BCAS2: variants seen among roughly 807,000 people sequenced by gnomAD.
BCAS2 encodes the protein BCAS2 pre-mRNA processing factor.
In BCAS2, 34 loss-of-function variants were observed where a neutral mutation model predicts 35.3. The observed-to-expected ratio is 0.96, with a 90% CI of 0.73 to 1.28. The LOEUF (loss-of-function observed/expected upper bound fraction) is 1.28, where lower values mean the gene tolerates loss of function less well. Among genes scored for constraint, BCAS2 ranks in the 50% most tolerant of loss-of-function variants. BCAS2 has a pLI of 0.00. For missense variants in BCAS2, 221 were observed against 268.1 expected, an observed-to-expected ratio of 0.82 and a Z score of 1.23; for synonymous variants, 75 against 91.6, an observed-to-expected ratio of 0.82 and a Z score of 1.03.
intron 4 of BCAS2, among the ~76,000 whole-genome samples, chr1:114,571,291 C>A (rs1228870834): frequency 1.3e-5 from 2 of 151,748 alleles, no homozygotes; most frequent in Non-Finnish European, 2.9e-5. Context: ...GAACTCCTGA[C>A]CTCAAGTGAT....
At chr1:114,574,641 T>C (rs1008041521) in intron 4 of BCAS2, among the ~76,000 whole-genome samples, 1 of 152,218 alleles carries the variant, frequency 6.6e-6, no homozygotes, top group Non-Finnish European at 1.5e-5. Context: ...CAACGCTTGA[T>C]AACATTCTAT....
chr1:114,575,739 TG>T lies in BCAS2; in HGVS notation c.269del (p.Pro90GlnfsTer18). ...CATTTTTTTGACCAGAGGAGGGGGC[TG>T]GAAGCTCATATCTGAAATTAAACAA... ...ELLSMKRYEL[P>X]APSSGQKNDI... On this transcript the variant is annotated frameshift_variant, in exon 4 of 7. Coordinates refer to ENST00000369541, the MANE Select transcript of BCAS2 (RefSeq NM_005872.3). LOFTEE classifies it high-confidence loss of function. The T allele has an allele frequency of 6.2e-7, 1 of 1,611,628 alleles. No individual in the cohort carries two copies. Among genetic ancestry groups the T allele is most frequent in the Non-Finnish European group, 8.5e-7 (1 of 1,179,442 alleles).
At chr1:114,568,415 G>C (rs1654571078) in intron 6 of BCAS2, among the ~76,000 whole-genome samples, 159 bp from the exon 7 acceptor site, 1 of 147,372 alleles carries the variant, frequency 6.8e-6, no homozygotes, top group Admixed American at 6.9e-5. Flanking sequence ...TGCCCAGGCT[G>C]GAGAACAATG....
chr1:114,578,652 T>C (rs111621968), intron 2 of BCAS2, among the ~76,000 whole-genome samples: 29 of 152,184 alleles, frequency 1.9e-4, no homozygotes, highest in Non-Finnish European at 3.7e-4. Context: ...ATCACTATCA[T>C]TCTCTGTGCA....
intron 4 of BCAS2, 149 bp from the exon 5 acceptor site, chr1:114,570,899 C>T: frequency 1.6e-6 from 1 of 644,538 alleles, no homozygotes; most frequent in South Asian, 1.8e-5. Flanking sequence ...GACTGTCACT[C>T]ATGCTGGAAT....
chr1:114,570,527 C>T (rs187004012), intron 5 of BCAS2, among the ~76,000 whole-genome samples, 173 bp downstream of exon 5: 66 of 152,334 alleles, frequency 4.3e-4, no homozygotes, highest in African/African-American at 1.3e-3. Context: ...GACCTCAGGC[C>T]TATTTCTCCT....
intron 4 of BCAS2, among the ~76,000 whole-genome samples, chr1:114,574,598 T>A (rs1312241364): frequency 6.6e-6 from 1 of 152,212 alleles, no homozygotes; most frequent in East Asian, 1.9e-4. Flanking sequence ...TTAAAGAACA[T>A]AACCCATGAC....
At chr1:114,577,377 A>ATTTT (rs113493679) in intron 2 of BCAS2, among the ~76,000 whole-genome samples, 2 of 149,794 alleles carry the variant, frequency 1.3e-5, no homozygotes, top group Non-Finnish European at 3.0e-5. Flanking sequence ...TTATTTATTT[A>ATTTT]TTTTTTTTTT....
chr1:114,570,816 T>TC lies in BCAS2; in HGVS notation c.420-67dup, dbSNP rs1305921115. 6.0e-6 allele frequency: 7 copies of TC among 1,172,236 alleles called. No homozygotes were observed. The African/African-American group carries it at 6.3e-5, about 10-fold the overall frequency. The allele number at this position is 1,172,236 out of a possible 1,614,324, so 72.6% of individuals were successfully genotyped here. A position where few individuals can be genotyped will look rare whatever the true frequency, so the allele number is the denominator to read the frequency against. ...TAGTACCAATTAAAAGTGAACTTTT[T>TC]CAAGTTTTTCTGCCAAAAATCATAT... On this transcript the variant is annotated intron_variant, in intron 4 of 6. Coordinates refer to ENST00000369541, the MANE Select transcript of BCAS2 (RefSeq NM_005872.3).
At chr1:114,576,245 C>A (rs200197762) in intron 3 of BCAS2, among the ~76,000 whole-genome samples, 15,127 of 141,180 alleles carry the variant, frequency 0.11, 861 homozygotes, top group East Asian at 0.17. Context: ...CTCTCTCTCT[C>A]TCTATATATA....
intron 2 of BCAS2, among the ~76,000 whole-genome samples, chr1:114,579,776 G>T (rs1258762174): frequency 6.6e-6 from 1 of 152,152 alleles, no homozygotes; most frequent in East Asian, 1.9e-4. Flanking sequence ...TGAGGCAGGA[G>T]AATCACTTGA....
intron 6 of BCAS2, 129 bp downstream of exon 6, chr1:114,569,863 G>A (rs1654603860): frequency 9.9e-6 from 7 of 706,726 alleles, no homozygotes; most frequent in Non-Finnish European, 1.5e-5. Flanking sequence ...ACGGGGAAGG[G>A]TGAATTCAGA....
rs1423198106 is a variant in BCAS2 at position 114,576,247 on chromosome 1, C to CTCTATATA, written c.257+440_257+441insTATATAGA. On this transcript the variant is annotated intron_variant, in intron 3 of 6. Coordinates refer to ENST00000369541, the MANE Select transcript of BCAS2 (RefSeq NM_005872.3). ...CCTCTCTCTCTCTCTCTCTCTCTCT[C>CTCTATATA]TATATATATATATATATAGTTTTTT... 4.9e-4 allele frequency among the ~76,000 whole-genome samples: 65 copies of CTCTATATA among 131,666 alleles called. 1 individual carries two copies. Among genetic ancestry groups the CTCTATATA allele is most frequent in the African/African-American group, 1.8e-3 (64 of 34,668 alleles). The allele number at this position is 131,666 out of a possible 152,430, so 86.4% of individuals were successfully genotyped here. A position where few individuals can be genotyped will look rare whatever the true frequency, so the allele number is the denominator to read the frequency against.
chr1:114,571,033 G>C lies in BCAS2; in HGVS notation c.420-283C>G, dbSNP rs554407147. Among the ~76,000 whole-genome samples, 66 of 150,514 alleles carry C rather than the reference G, an allele frequency of 4.4e-4. 1 individual carries two copies. In the South Asian group the frequency reaches 0.013, roughly 30 times the overall value. On this transcript the variant is annotated intron_variant, in intron 4 of 6. Transcript: ENST00000369541. The stretch of plus-strand genomic sequence containing the variant: ...CCTCCCAAACTGCTGGGATTACCAT[G>C]CCCTGCCTGATCTTGGAGTACTTAG...
Position 114,581,398 on chromosome 1 carries a change from A to T in BCAS2, c.94-7T>A, listed in dbSNP as rs969674214. 7 of 1,614,134 alleles carry T rather than the reference A, an allele frequency of 4.3e-6. No individual in the cohort carries two copies. In the Admixed American group the frequency reaches 8.3e-5, roughly 19 times the overall value. ...CCTCCACCAGCGCTGCAGCCTAAGAAAGAGAATAGGGACCAGGGTAGAAGT... is the reference window on the plus strand; with the variant it reads ...CCTCCACCAGCGCTGCAGCCTAAGATAGAGAATAGGGACCAGGGTAGAAGT... On this transcript the variant is annotated splice_polypyrimidine_tract_variant and splice_region_variant and intron_variant, in intron 1 of 6. Coordinates refer to ENST00000369541, the MANE Select transcript of BCAS2 (RefSeq NM_005872.3).
chr1:114,579,872 AAAC>A (rs754562867), intron 2 of BCAS2, among the ~76,000 whole-genome samples: 10 of 152,214 alleles, frequency 6.6e-5, no homozygotes, highest in African/African-American at 1.2e-4. Flanking sequence ...TCTCAAACAA[AAAC>A]AACAACAAAC....
chr1:114,571,925 G>A (rs1226346396), intron 4 of BCAS2, among the ~76,000 whole-genome samples: 1 of 152,160 alleles, frequency 6.6e-6, no homozygotes, highest in Non-Finnish European at 1.5e-5. Flanking sequence ...AACTAGCACA[G>A]GGGAAAAGTT....
At chr1:114,569,407 T>A (rs1654596339) in intron 6 of BCAS2, among the ~76,000 whole-genome samples, 1 of 152,228 alleles carries the variant, frequency 6.6e-6, no homozygotes, top group African/African-American at 2.4e-5. Flanking sequence ...CATGTGTGTA[T>A]GTAAAAGAAC....
rs1483980700 is a variant in BCAS2 at position 114,570,768 on chromosome 1, A to G, written c.420-18T>C. The G allele has an allele frequency of 6.5e-7, 1 of 1,538,358 alleles. No homozygotes were observed. Among genetic ancestry groups the G allele is most frequent in the Non-Finnish European group, 8.9e-7 (1 of 1,123,712 alleles). The stretch of plus-strand genomic sequence containing the variant: ...CTAGATTTCTGAAGGAAAAGAGGAA[A>G]ATCAGATTAAAATACATTAAAATAG... On this transcript the variant is annotated intron_variant, in intron 4 of 6. Transcript: ENST00000369541.
Sources: allele counts gnomAD v4.1 joint callset (sites outside exome capture counted in the v4.1 genomes callset), GRCh38; gene constraint gnomAD v4.1.1; transcripts MANE v1.5; gene names NCBI Gene and HGNC (gene_info 2026-07-23, HGNC 2026-07-21).